The following USH2A variants were observed in gnomAD, a reference collection of about 807,000 sequenced individuals.
USH2A encodes the protein usherin.
In USH2A, 443 loss-of-function variants were observed where a neutral mutation model predicts 538.9. The ratio of observed to expected loss-of-function variants is 0.82; its 90% CI spans 0.76 to 0.89. The LOEUF (loss-of-function observed/expected upper bound fraction) is 0.89. USH2A is among the 40% of genes least tolerant of loss of function. USH2A has a pLI of 0.00. For synonymous variants in USH2A, 2,413 were observed against 2,273.5 expected (o/e 1.06, Z -1.75); for missense variants, 6,633 against 6,324.8 (o/e 1.05, Z -1.65).
At chr1:215,693,133 T>C (rs1490559166) in intron 61 of USH2A, among the ~76,000 whole-genome samples, 11 of 144,928 alleles carry the variant, frequency 7.6e-5, no homozygotes, top group Admixed American at 2.1e-4. Context: ...TATATATATA[T>C]ACACACACAC....
chr1:216,307,840 T>C (rs1023195918), intron 9 of USH2A, among the ~76,000 whole-genome samples: 1 of 152,180 alleles, frequency 6.6e-6, no homozygotes, highest in African/African-American at 2.4e-5. Flanking sequence ...CCATCACCTG[T>C]GACCTGGACC....
chr1:215,973,070 A>G (rs1421522059), intron 35 of USH2A, among the ~76,000 whole-genome samples: 1 of 152,162 alleles, frequency 6.6e-6, no homozygotes, highest in Non-Finnish European at 1.5e-5. Context: ...CAGTCAGTTG[A>G]TCCTAAAAAA....
rs2039087139 is a variant in USH2A at position 216,390,504 on chromosome 1, T to C, written c.652-25419A>G. Among the ~76,000 whole-genome samples the C allele has an allele frequency of 2.6e-5, 4 of 152,306 alleles. No homozygotes were observed. The South Asian group carries it at 8.3e-4, about 32-fold the overall frequency. Reference sequence around the variant, plus strand: ...CAATCTAAATATTCAAAAATGGCCGTGACTTTTTAAATTTTATAATGTTTT... The same window carrying C: ...CAATCTAAATATTCAAAAATGGCCGCGACTTTTTAAATTTTATAATGTTTT... On this transcript the variant is annotated intron_variant, in intron 3 of 71. Coordinates refer to ENST00000307340, the MANE Select transcript of USH2A (RefSeq NM_206933.4).
rs541824783 is a variant in USH2A at position 215,948,109 on chromosome 1, G to A, written c.7121-13314C>T. Reference sequence around the variant, plus strand: ...AGGCCTAAGGTCTTTAACATCTCTTGTATAACAATCTCAAGATTTTTGTTC... The same window carrying A: ...AGGCCTAAGGTCTTTAACATCTCTTATATAACAATCTCAAGATTTTTGTTC... On this transcript the variant is annotated intron_variant, in intron 37 of 71. Transcript: ENST00000307340. 5.9e-5 allele frequency among the ~76,000 whole-genome samples: 9 copies of A among 152,100 alleles called. No individual in the cohort carries two copies. The South Asian group carries it at 1.9e-3, about 31-fold the overall frequency.
chr1:216,417,564 C>T (rs2039598683), intron 3 of USH2A, among the ~76,000 whole-genome samples: 1 of 152,092 alleles, frequency 6.6e-6, no homozygotes, highest in South Asian at 2.1e-4. Context: ...GTGCTAGTCT[C>T]CTGATAGAAT....
rs1401165417 is a variant in USH2A, at chr1:215,674,560, T to A, written c.13351A>T (p.Thr4451Ser). Residue 4451 changes from threonine (T) to serine (S), a missense_variant, in exon 63 of 72, where the codon ACA (threonine) becomes TCA (serine). Physicochemically the swap from Thr to Ser is moderately conservative, Grantham distance 58. Transcript: ENST00000307340. Reference sequence around the variant, plus strand: ...GATTCTGAGCCTGTGACTTGCAATGTTGGAGAGTCCATGTTCTCTGGCAGG... The same window carrying A: ...GATTCTGAGCCTGTGACTTGCAATGATGGAGAGTCCATGTTCTCTGGCAGG... ...EALPENMDSPTLQVTGSESIE... is the reference protein window; with the variant it reads ...EALPENMDSPSLQVTGSESIE... 1 of 1,614,172 alleles carries A rather than the reference T, an allele frequency of 6.2e-7. No individual in the cohort carries two copies. The highest frequency in any genetic ancestry group is 8.5e-7 in the Non-Finnish European group (1 of 1,180,014).
intron 47 of USH2A, among the ~76,000 whole-genome samples, chr1:215,820,777 TCTA>T (rs1662989973): frequency 6.6e-6 from 1 of 151,770 alleles, no homozygotes; most frequent in African/African-American, 2.4e-5. Flanking sequence ...TAATCACCAA[TCTA>T]CTCTCTACCT....
intron 32 of USH2A, among the ~76,000 whole-genome samples, chr1:216,040,524 T>C (rs1053302001): frequency 6.6e-5 from 10 of 152,044 alleles, no homozygotes; most frequent in African/African-American, 2.2e-4. Context: ...AAACATCTTA[T>C]AAACTTCTTA....
chr1:215,674,764 T>C lies in USH2A; in HGVS notation c.13147A>G (p.Asn4383Asp), dbSNP rs1157568338. ...ACTAAATATTTAGTAATCTTTCCAT[T>C]TTGCACTGTGGGCGGTGACCAACAT... ...NVCWSPPTVQ[N>D]GKITKYLVRY... The change falls in exon 63 of 72, where the codon AAT (asparagine) becomes GAT (aspartate). Residue 4383 changes from asparagine to aspartate, a missense_variant. Coordinates refer to ENST00000307340, the MANE Select transcript of USH2A (RefSeq NM_206933.4). 6.2e-7 allele frequency: 1 copy of C among 1,614,112 alleles called. No individual in the cohort carries two copies. Among genetic ancestry groups the C allele is most frequent in the Non-Finnish European group, 8.5e-7 (1 of 1,180,002 alleles).
At position 216,308,276 on chromosome 1, in the gene USH2A, A is replaced by G. The variant is rs1235575090; in HGVS notation, c.1644+13607T>C. ...CTACTGTAAAGTGTTCCACGTAGAC[A>G]TTTGCAAATTGTTTTCCATAGTGCA... On this transcript the variant is annotated intron_variant, in intron 9 of 71. Transcript: ENST00000307340. Among the ~76,000 whole-genome samples, 5 of 152,188 alleles carry G rather than the reference A, an allele frequency of 3.3e-5. No homozygotes were observed. In the East Asian group the frequency reaches 9.6e-4, roughly 29 times the overall value.
At position 216,046,523 on chromosome 1, in the gene USH2A, G is replaced by T. The variant is rs150230450; in HGVS notation, c.6233C>A (p.Pro2078His). ...AGTTATAATACCATTTGCCTTTTTG[G>T]GTGGGTTCCAGGAGAGCAGCAAAGA... ...PSSLLLSWNP[P>H]KKANGIITQY... The change falls in exon 32 of 72, where the codon CCC (proline) becomes CAC (histidine). Residue 2078 changes from proline to histidine, a missense_variant. Coordinates refer to ENST00000307340, the MANE Select transcript of USH2A (RefSeq NM_206933.4). 4 of 1,613,650 alleles carry T rather than the reference G, an allele frequency of 2.5e-6. No homozygotes were observed. In the African/African-American group the frequency reaches 4.0e-5, roughly 16 times the overall value.
chr1:216,328,546 G>T (rs2037782859), intron 4 of USH2A, among the ~76,000 whole-genome samples: 1 of 151,952 alleles, frequency 6.6e-6, no homozygotes, highest in Non-Finnish European at 1.5e-5. Context: ...ATCATCAAAT[G>T]ACCATTTTCC....
At chr1:216,002,908 G>A (rs7541086) in intron 32 of USH2A, among the ~76,000 whole-genome samples, 74,675 of 151,858 alleles carry the variant, frequency 0.49, 19,048 homozygotes, top group East Asian at 0.84. Flanking sequence ...ATCACATATC[G>A]CAGTGTCTGC....
At chr1:215,797,662 T>C (rs1440538447) in intron 50 of USH2A, among the ~76,000 whole-genome samples, 1 of 152,072 alleles carries the variant, frequency 6.6e-6, no homozygotes, top group Non-Finnish European at 1.5e-5. Context: ...TACAATATGG[T>C]TTACTATGTA....
chr1:215,893,779 A>G (rs1665261955), intron 40 of USH2A, among the ~76,000 whole-genome samples: 1 of 152,192 alleles, frequency 6.6e-6, no homozygotes, highest in African/African-American at 2.4e-5. Context: ...CTTAAGTGGG[A>G]AATTGAGGCA....
At chr1:216,054,492 A>G (rs1220747769) in intron 30 of USH2A, among the ~76,000 whole-genome samples, 1 of 152,216 alleles carries the variant, frequency 6.6e-6, no homozygotes, top group African/African-American at 2.4e-5. Context: ...TTTCACGTTG[A>G]AATTTTATGA....
intron 30 of USH2A, among the ~76,000 whole-genome samples, chr1:216,049,950 C>G (rs1232635076): frequency 6.6e-6 from 1 of 152,156 alleles, no homozygotes; most frequent in East Asian, 1.9e-4. Flanking sequence ...AGCAAGCCAA[C>G]GAACTAATAT....
chr1:215,653,585 G>A (rs1412654326), intron 64 of USH2A, among the ~76,000 whole-genome samples: 1 of 152,128 alleles, frequency 6.6e-6, no homozygotes, highest in East Asian at 1.9e-4. Flanking sequence ...TGTATGATGA[G>A]GCAGTGTCTC....
At chr1:216,009,125 A>T (rs544510339) in intron 32 of USH2A, among the ~76,000 whole-genome samples, 2 of 151,292 alleles carry the variant, frequency 1.3e-5, no homozygotes, top group East Asian at 3.9e-4. Context: ...CTGACCTCTT[A>T]TATCTCTGTG....
Sources: allele counts gnomAD v4.1 joint callset (sites outside exome capture counted in the v4.1 genomes callset), GRCh38; gene constraint gnomAD v4.1.1; transcripts MANE v1.5; gene names NCBI Gene and HGNC (gene_info 2026-07-23, HGNC 2026-07-21).